Variants in DENND1A observed in about 807,000 individuals in gnomAD.
The protein encoded by DENND1A is DENN domain-containing protein 1A.
In DENND1A, 51 loss-of-function variants were observed where a neutral mutation model predicts 113.7. The ratio of observed to expected loss-of-function variants is 0.45; its 90% confidence interval spans 0.36 to 0.57. DENND1A has a LOEUF of 0.57. Ranked by LOEUF, DENND1A falls within the 20% of genes least tolerant of loss-of-function variation. The pLI is 0.00. For missense variants in DENND1A, 1,258 were observed against 1,395.9 expected (o/e 0.90, Z 1.57); for synonymous variants, 565 against 570.8 (o/e 0.99, Z 0.14).
chr9:123,721,276 T>C (rs879882489), intron 5 of DENND1A, among the ~76,000 whole-genome samples: 14 of 152,260 alleles, frequency 9.2e-5, no homozygotes, highest in Non-Finnish European at 1.8e-4. Context: ...CCTTGCTCTC[T>C]GGTCCTTCCA....
chr9:123,481,722 T>C (rs2050350102), intron 13 of DENND1A, among the ~76,000 whole-genome samples: 1 of 152,126 alleles, frequency 6.6e-6, no homozygotes, highest in Non-Finnish European at 1.5e-5. Context: ...TGCTTCTTTA[T>C]GCCTATTCAG....
At chr9:123,570,263 G>C (rs1162431227) in intron 12 of DENND1A, among the ~76,000 whole-genome samples, 1 of 152,180 alleles carries the variant, frequency 6.6e-6, no homozygotes, top group Non-Finnish European at 1.5e-5. Flanking sequence ...TGCCCATCTG[G>C]AAGACTCTGA....
intron 12 of DENND1A, among the ~76,000 whole-genome samples, chr9:123,566,907 A>G (rs1362748966): frequency 1.4e-5 from 2 of 144,150 alleles, no homozygotes; most frequent in Non-Finnish European, 1.5e-5. Context: ...ATTTAGCTTT[A>G]ACACACCACA....
chr9:123,708,048 C>T lies in DENND1A; in HGVS notation c.303-31259G>A, dbSNP rs1439152748. Among the ~76,000 whole-genome samples the T allele has an allele frequency of 4.6e-5, 7 of 151,906 alleles. No homozygotes were observed. In the South Asian group the frequency reaches 1.0e-3, roughly 23 times the overall value. On this transcript the variant is annotated intron_variant, in intron 5 of 23. Coordinates refer to ENST00000394215, the MANE Select transcript of DENND1A (RefSeq NM_001352964.2). ...ATAACAGGGGAGAAGGTAGCGTATA[C>T]GGGTGAAGTTGTAGGTGGGTGAGAT...
intron 3 of DENND1A, among the ~76,000 whole-genome samples, chr9:123,771,995 G>A (rs1286925804): frequency 6.6e-6 from 1 of 152,140 alleles, no homozygotes; most frequent in Non-Finnish European, 1.5e-5. Flanking sequence ...AGATGGTGGT[G>A]TGCTGTCAGA....
intron 18 of DENND1A, among the ~76,000 whole-genome samples, chr9:123,443,383 G>C (rs1220406812): frequency 6.6e-6 from 1 of 152,220 alleles, no homozygotes; most frequent in Non-Finnish European, 1.5e-5. Flanking sequence ...CTAACCTAGA[G>C]CCTTGAATCT....
chr9:123,572,444 G>A (rs919714462), intron 12 of DENND1A, among the ~76,000 whole-genome samples: 2 of 152,098 alleles, frequency 1.3e-5, no homozygotes, highest in Non-Finnish European at 2.9e-5. Context: ...GTGTGGGATC[G>A]CCTGGTCATA....
At chr9:123,792,283 T>C (rs1449704328) in intron 3 of DENND1A, among the ~76,000 whole-genome samples, 3 of 152,168 alleles carry the variant, frequency 2.0e-5, no homozygotes, top group Non-Finnish European at 4.4e-5. Flanking sequence ...TCACAGGCAA[T>C]GCAAAAAGGA....
chr9:123,540,105 G>C (rs974622129), intron 13 of DENND1A, among the ~76,000 whole-genome samples: 1 of 152,128 alleles, frequency 6.6e-6, no homozygotes, highest in Non-Finnish European at 1.5e-5. Context: ...AGAAAATCTT[G>C]TATCTACCCA....
chr9:123,845,894 T>A (rs1371923883), intron 2 of DENND1A, among the ~76,000 whole-genome samples: 1 of 152,054 alleles, frequency 6.6e-6, no homozygotes, highest in East Asian at 1.9e-4. Context: ...AAATGAAAAC[T>A]TCTGTTTCAG....
intron 13 of DENND1A, among the ~76,000 whole-genome samples, chr9:123,482,966 T>C (rs2050473683): frequency 6.6e-6 from 1 of 152,140 alleles, no homozygotes. Context: ...CCCTAAAATT[T>C]GGGTGGCTGG....
At chr9:123,654,461 C>T (rs2062829265) in intron 8 of DENND1A, among the ~76,000 whole-genome samples, 1 of 151,986 alleles carries the variant, frequency 6.6e-6, no homozygotes, top group Non-Finnish European at 1.5e-5. Context: ...TAGGGAGACA[C>T]AGCGTCAGAG....
intron 12 of DENND1A, chr9:123,569,670 A>G (rs1368329291): frequency 6.6e-6 from 1 of 152,392 alleles, no homozygotes; most frequent in Non-Finnish European, 1.5e-5. Context: ...GGGATGGACA[A>G]ACAACTCCTG....
intron 2 of DENND1A, among the ~76,000 whole-genome samples, chr9:123,876,860 G>A (rs140232871): frequency 6.6e-6 from 1 of 152,216 alleles, no homozygotes; most frequent in African/African-American, 2.4e-5. Context: ...AAGAAAATGT[G>A]GAATACTACT....
Position 123,440,422 on chromosome 9 carries a change from C to G in DENND1A, c.1426G>C (p.Val476Leu). ...QLPKTAPSPLVEAKDPKLRED... is the reference protein window; with the variant it reads ...QLPKTAPSPLLEAKDPKLRED... ...CGGAGCTTGGGGTCCTTGGCCTCCACCAGTGGGGACGGTGCAGTCTTTGGC... is the reference window on the plus strand; with the variant it reads ...CGGAGCTTGGGGTCCTTGGCCTCCAGCAGTGGGGACGGTGCAGTCTTTGGC... Residue 476 changes from valine (V) to leucine (L), a missense_variant, in exon 19 of 24, where the codon GTG becomes CTG. Physicochemically the swap from Val to Leu is conservative, Grantham distance 32 (BLOSUM62 1). Transcript: ENST00000394215. The G allele has an allele frequency of 6.3e-7, 1 of 1,587,150 alleles. No individual in the cohort carries two copies. The highest frequency in any genetic ancestry group is 8.5e-7 in the Non-Finnish European group (1 of 1,171,304).
intron 3 of DENND1A, among the ~76,000 whole-genome samples, chr9:123,787,354 T>G (rs1832344752): frequency 1.3e-5 from 2 of 152,170 alleles, no homozygotes; most frequent in Non-Finnish European, 2.9e-5. Context: ...AGTTTTACAA[T>G]AGAAATGTTT....
chr9:123,827,660 A>G (rs1839568131), intron 2 of DENND1A, among the ~76,000 whole-genome samples: 1 of 152,174 alleles, frequency 6.6e-6, no homozygotes, highest in Non-Finnish European at 1.5e-5. Context: ...AACAGGATGA[A>G]GAAGACAAAA....
At chr9:123,665,842 T>G (rs941332526) in intron 8 of DENND1A, among the ~76,000 whole-genome samples, 5 of 152,208 alleles carry the variant, frequency 3.3e-5, no homozygotes, top group African/African-American at 1.2e-4. Context: ...CAAAATGTGG[T>G]CTACACCTAC....
intron 5 of DENND1A, among the ~76,000 whole-genome samples, chr9:123,696,175 T>A (rs569099827): frequency 3.9e-5 from 6 of 152,190 alleles, no homozygotes; most frequent in African/African-American, 1.4e-4. Flanking sequence ...ATTACACGAT[T>A]TCAGATTTTG....
Sources: allele counts gnomAD v4.1 joint callset (sites outside exome capture counted in the v4.1 genomes callset), GRCh38; gene constraint gnomAD v4.1.1; transcripts MANE v1.5; gene names NCBI Gene and HGNC (gene_info 2026-07-23, HGNC 2026-07-21).